CNTN5: variants seen among roughly 807,000 people sequenced by gnomAD.
The protein encoded by CNTN5 is contactin 5.
Under a neutral mutation model 129.1 loss-of-function variants are expected in CNTN5, and 77 were observed. The observed-to-expected ratio is 0.60, with a 90% confidence interval of 0.50 to 0.72. The LOEUF is 0.72. CNTN5 is among the 30% of genes least tolerant of loss of function. The pLI, the probability that CNTN5 is intolerant of heterozygous loss-of-function variation, is 0.00. For missense variants in CNTN5, 1,478 were observed against 1,328.8 expected, an observed-to-expected ratio of 1.11 and a Z score of -1.75; for synonymous variants, 509 against 465.6, an observed-to-expected ratio of 1.09 and a Z score of -1.20.
intron 8 of CNTN5, among the ~76,000 whole-genome samples, chr11:99,993,668 G>A (rs1939267622): frequency 6.6e-6 from 1 of 152,066 alleles, no homozygotes; most frequent in African/African-American, 2.4e-5. Context: ...TCACTTACCG[G>A]CCTCTCACTT....
intron 3 of CNTN5, among the ~76,000 whole-genome samples, chr11:99,599,236 G>A (rs1358247552): frequency 6.6e-6 from 1 of 151,664 alleles, no homozygotes; most frequent in Non-Finnish European, 1.5e-5. Context: ...GAGGAAATTG[G>A]ATTTTATAAA....
intron 1 of CNTN5, among the ~76,000 whole-genome samples, chr11:99,128,173 A>G (rs12221492): frequency 0.093 from 14,191 of 152,208 alleles, 933 homozygotes; most frequent in East Asian, 0.32. Flanking sequence ...AGAACCCCAC[A>G]AGCTGAGACC....
At chr11:99,736,338 G>A (rs1943710421) in intron 3 of CNTN5, among the ~76,000 whole-genome samples, 1 of 152,124 alleles carries the variant, frequency 6.6e-6, no homozygotes, top group Admixed American at 6.6e-5. Flanking sequence ...GAGCCTAGGA[G>A]CTGTTCCTTT....
intron 1 of CNTN5, among the ~76,000 whole-genome samples, chr11:99,121,518 G>A (rs939271957): frequency 6.6e-6 from 1 of 152,134 alleles, no homozygotes; most frequent in Non-Finnish European, 1.5e-5. Context: ...GCCAAATGTA[G>A]GATTATTGGG....
chr11:99,788,785 A>C (rs764082257), intron 3 of CNTN5, among the ~76,000 whole-genome samples: 1 of 151,938 alleles, frequency 6.6e-6, no homozygotes, highest in African/African-American at 2.4e-5. Flanking sequence ...ATAGTAAAAA[A>C]CTTAGTTGTA....
intron 15 of CNTN5, among the ~76,000 whole-genome samples, chr11:100,224,437 T>C (rs962899625): frequency 6.6e-6 from 1 of 152,158 alleles, no homozygotes; most frequent in Non-Finnish European, 1.5e-5. Context: ...TGTGCATACT[T>C]AAATATTTTT....
At chr11:99,360,127 T>C (rs961635667) in intron 2 of CNTN5, among the ~76,000 whole-genome samples, 2 of 152,128 alleles carry the variant, frequency 1.3e-5, no homozygotes, top group Non-Finnish European at 2.9e-5. Context: ...TTGAGAATAA[T>C]CTTCTTTGGT....
chr11:99,722,293 AT>A, intron 3 of CNTN5, among the ~76,000 whole-genome samples: 2 of 152,316 alleles, frequency 1.3e-5, no homozygotes, highest in Middle Eastern at 3.4e-3. Flanking sequence ...GTGGAATGCT[AT>A]GCAGCCATAA....
At chr11:99,862,618 T>G (rs989456874) in intron 6 of CNTN5, among the ~76,000 whole-genome samples, 1 of 152,020 alleles carries the variant, frequency 6.6e-6, no homozygotes, top group African/African-American at 2.4e-5. Context: ...TTTTATTTAG[T>G]TTATAAAGTA....
chr11:99,950,758 A>G (rs1950655507), intron 7 of CNTN5, among the ~76,000 whole-genome samples: 1 of 152,226 alleles, frequency 6.6e-6, no homozygotes, highest in Non-Finnish European at 1.5e-5. Context: ...TGGCTTGTGT[A>G]ATTCTCAGCA....
intron 23 of CNTN5, among the ~76,000 whole-genome samples, chr11:100,343,501 A>C (rs1952211079): frequency 1.3e-5 from 2 of 152,140 alleles, no homozygotes; most frequent in Non-Finnish European, 2.9e-5. Flanking sequence ...ACTGGGCTTA[A>C]CCCAGAGTTT....
intron 8 of CNTN5, among the ~76,000 whole-genome samples, chr11:99,982,105 T>C (rs1938384829): frequency 6.6e-6 from 1 of 152,244 alleles, no homozygotes; most frequent in South Asian, 2.1e-4. Flanking sequence ...TAATGGAGAA[T>C]ACTTGAGTGC....
intron 2 of CNTN5, among the ~76,000 whole-genome samples, chr11:99,540,806 G>A (rs906711488): frequency 6.6e-6 from 1 of 152,094 alleles, no homozygotes; most frequent in Non-Finnish European, 1.5e-5. Flanking sequence ...ATGTACAGGT[G>A]CTCACTGAGG....
In CNTN5 at chr11:99,956,761, G is replaced by A. The variant is rs574144977; in HGVS notation, c.674-45G>A. The A allele has an allele frequency of 6.8e-5, 100 of 1,461,194 alleles. 1 individual carries two copies. The South Asian group carries it at 1.1e-3, about 16-fold the overall frequency. The allele number at this position is 1,461,194 out of a possible 1,614,324, so 90.5% of individuals were successfully genotyped here. On this transcript the variant is annotated intron_variant, in intron 7 of 24. Transcript: ENST00000524871. ...TGTTGTTTGAGCTTTGTCTGTTAAT[G>A]AAAAAATCAAAGTCTTTCGTTGACC...
In CNTN5 at chr11:100,074,221, T is replaced by G. The variant is rs1243141550; in HGVS notation, c.1507T>G (p.Cys503Gly). 3.1e-6 allele frequency: 5 copies of G among 1,612,016 alleles called. No individual in the cohort carries two copies. The highest frequency in any genetic ancestry group is 2.5e-6 in the Non-Finnish European group (3 of 1,178,904). The change falls in exon 13 of 25, where the codon TGC becomes GGC. Residue 503 changes from cysteine to glycine, a missense_variant. By Grantham distance (159) the Cys-to-Gly change is radical. Transcript: ENST00000524871. Reference protein sequence around the residue: ...VTKDQEVVIECKPQGSPKPTI... With the variant: ...VTKDQEVVIEGKPQGSPKPTI... ...CAAAGACCAAGAAGTTGTCATAGAGTGCAAACCCCAAGGCTCTCCAAAACC... is the reference window on the plus strand; with the variant it reads ...CAAAGACCAAGAAGTTGTCATAGAGGGCAAACCCCAAGGCTCTCCAAAACC...
intron 8 of CNTN5, among the ~76,000 whole-genome samples, chr11:99,980,700 CTTTT>C (rs1471094611): frequency 2.0e-5 from 3 of 151,950 alleles, no homozygotes; most frequent in Non-Finnish European, 4.4e-5. Context: ...TGGTAAGATT[CTTTT>C]TGTTTTTTAT....
At chr11:100,123,284 T>C (rs1946085601) in intron 13 of CNTN5, among the ~76,000 whole-genome samples, 1 of 152,060 alleles carries the variant, frequency 6.6e-6, no homozygotes, top group African/African-American at 2.4e-5. Context: ...ACAAGGTTTT[T>C]CTATTATTGT....
chr11:100,033,014 A>T (rs1020503350), intron 9 of CNTN5, among the ~76,000 whole-genome samples: 1 of 152,196 alleles, frequency 6.6e-6, no homozygotes, highest in Non-Finnish European at 1.5e-5. Flanking sequence ...CTCTGTGCTG[A>T]TGAAAACAAG....
At chr11:99,174,447 A>G (rs1857679603) in intron 1 of CNTN5, among the ~76,000 whole-genome samples, 1 of 152,176 alleles carries the variant, frequency 6.6e-6, no homozygotes, top group African/African-American at 2.4e-5. Flanking sequence ...GTGATTTCCA[A>G]ATGAGGATAA....
Sources: gnomAD v4.1 joint callset for allele counts (sites outside exome capture counted in the v4.1 genomes callset) on GRCh38, gnomAD v4.1.1 for gene constraint, MANE v1.5 for transcripts, NCBI Gene and HGNC (gene_info 2026-07-23, HGNC 2026-07-21) for gene names.